LYG1: variants seen among roughly 807,000 people sequenced by gnomAD.
LYG1 encodes lysozyme g-like protein 1.
Under a neutral mutation model 21.7 loss-of-function variants are expected in LYG1, and 17 were observed. The observed-to-expected ratio is 0.78, with a 90% CI of 0.54 to 1.18. The LOEUF (loss-of-function observed/expected upper bound fraction) is 1.18. Ranked by LOEUF, LYG1 falls within the 50% of genes most tolerant of loss-of-function variation. LYG1 has a pLI of 0.00. For missense variants in LYG1, 211 were observed against 238.1 expected (o/e 0.89, Z 0.75); for synonymous variants, 81 against 87.4 (o/e 0.93, Z 0.41).
chr2:99,288,759 AG>A (rs941691741), intron 5 of LYG1, among the ~76,000 whole-genome samples: 4 of 152,108 alleles, frequency 2.6e-5, no homozygotes, highest in African/African-American at 9.7e-5. Flanking sequence ...TAGTAAAGAC[AG>A]GATTTCACCT....
At position 99,284,813 on chromosome 2, in the gene LYG1, C is replaced by G; in HGVS notation, c.341G>C (p.Gly114Ala). 1 of 1,612,728 alleles carries G rather than the reference C, an allele frequency of 6.2e-7. No individual in the cohort carries two copies. Among genetic ancestry groups the G allele is most frequent in the Non-Finnish European group, 8.5e-7 (1 of 1,179,820 alleles). ...AATCCAGGATGTGGGAGCTTGAGAG[C>G]CAGGGTCCTGCAGGGAAGGAGGCAG... ...GDRTSMVQDP[G>A]SQAPTSWISE... The change falls in exon 6 of 7, where the codon GGC (glycine) becomes GCC (alanine). Residue 114 changes from glycine (G) to alanine (A), a missense_variant. By Grantham distance (60) the Gly-to-Ala change is moderately conservative. Transcript: ENST00000308528.
intron 1 of LYG1, among the ~76,000 whole-genome samples, chr2:99,299,017 C>T (rs564998276): frequency 7.9e-5 from 12 of 151,690 alleles, no homozygotes; most frequent in Non-Finnish European, 1.3e-4. Context: ...ATGCAACCTC[C>T]GCCTCTTGAA....
chr2:99,296,205 G>A (rs893767902), intron 2 of LYG1, among the ~76,000 whole-genome samples: 21 of 152,072 alleles, frequency 1.4e-4, no homozygotes, highest in Non-Finnish European at 2.6e-4. Flanking sequence ...GTTGGAAGAC[G>A]TTTCCCACTG....
upstream of LYG1, among the ~76,000 whole-genome samples, chr2:99,302,652 A>G (rs910058356): frequency 6.6e-6 from 1 of 152,176 alleles, no homozygotes; most frequent in Non-Finnish European, 1.5e-5. Flanking sequence ...TAAATGAATG[A>G]TTTAAAGCGT....
At chr2:99,302,861 T>C (rs186631677), upstream of LYG1, among the ~76,000 whole-genome samples, 1 of 151,808 alleles carries the variant, frequency 6.6e-6, no homozygotes, top group Admixed American at 6.6e-5. Flanking sequence ...CTACTAAAAA[T>C]ACAAAAATTA....
At chr2:99,287,892 C>G (rs2094105879) in intron 5 of LYG1, among the ~76,000 whole-genome samples, 1 of 151,938 alleles carries the variant, frequency 6.6e-6, no homozygotes, top group African/African-American at 2.4e-5. Context: ...TGTGTATATC[C>G]TAATGGATAC....
chr2:99,301,255 C>T (rs1328801677), upstream of LYG1: 1 of 152,062 alleles, frequency 6.6e-6, no homozygotes, highest in East Asian at 1.9e-4. Flanking sequence ...ATTTTGCAAA[C>T]ATTAACCAAT....
At chr2:99,293,211 C>T (rs1036451380) in intron 3 of LYG1, among the ~76,000 whole-genome samples, 1 of 151,988 alleles carries the variant, frequency 6.6e-6, no homozygotes, top group Non-Finnish European at 1.5e-5. Context: ...AGGCTGGTCT[C>T]GAACTCTTGA....
At chr2:99,299,978 A>G (rs528756922) in intron 1 of LYG1, among the ~76,000 whole-genome samples, 3 of 152,058 alleles carry the variant, frequency 2.0e-5, no homozygotes, top group Non-Finnish European at 4.4e-5. Context: ...ACTCCAGCCC[A>G]TTGCCTCACA....
At chr2:99,284,614 A>C (rs998334724) in intron 6 of LYG1, 74 bp downstream of exon 6, 7 of 1,594,068 alleles carry the variant, frequency 4.4e-6, no homozygotes, top group Non-Finnish European at 4.3e-6. Flanking sequence ...GTTTCGGGGA[A>C]TCTGGTGCAA....
chr2:99,294,017 G>T (rs1458414950), intron 3 of LYG1, among the ~76,000 whole-genome samples: 3 of 152,110 alleles, frequency 2.0e-5, no homozygotes, highest in Non-Finnish European at 4.4e-5. Context: ...AACCTCCCAG[G>T]TTCAAGCTAT....
rs542779405 is a variant in LYG1 at position 99,300,371 on chromosome 2, G to A, written c.-124+679C>T. On this transcript the variant is annotated intron_variant, in intron 1 of 6. Coordinates refer to ENST00000308528, the MANE Select transcript of LYG1 (RefSeq NM_174898.3). ...CTCTGTGCCTGCTTTTCCCATTTGC[G>A]TTTTTGAGAGTTCAGAACTCCAGGA... Among the ~76,000 whole-genome samples the A allele has an allele frequency of 9.1e-4, 138 of 152,170 alleles. 1 individual carries two copies. Among genetic ancestry groups the A allele is most frequent in the African/African-American group, 2.5e-3 (104 of 41,500 alleles).
upstream of LYG1, among the ~76,000 whole-genome samples, chr2:99,301,951 T>C (rs377120889): frequency 1.2e-4 from 19 of 152,296 alleles, no homozygotes; most frequent in Non-Finnish European, 1.9e-4. Context: ...GGAAGGATTC[T>C]TTCCCAAGTT....
At position 99,292,565 on chromosome 2, in the gene LYG1, A is replaced by G. The variant is rs761251900; in HGVS notation, c.119T>C (p.Ile40Thr). The G allele has an allele frequency of 4.7e-5, 76 of 1,614,036 alleles. No individual in the cohort carries two copies. Among genetic ancestry groups the G allele is most frequent in the African/African-American group, 9.3e-5 (7 of 74,926 alleles). ...SLDTPGASCGIGRRHGLNYCG... is the reference protein window; with the variant it reads ...SLDTPGASCGTGRRHGLNYCG... ...GTAGTTCAGGCCGTGACGTCTTCCA[A>G]TCCCACAAGATGCTCCAGGGGTGTC... Residue 40 changes from isoleucine (I) to threonine (T), a missense_variant, in exon 4 of 7, where the codon ATT (isoleucine) becomes ACT (threonine). Coordinates refer to ENST00000308528, the MANE Select transcript of LYG1 (RefSeq NM_174898.3).
chr2:99,303,646 G>C (rs2094160252), upstream of LYG1, among the ~76,000 whole-genome samples: 2 of 152,230 alleles, frequency 1.3e-5, no homozygotes, highest in Non-Finnish European at 1.5e-5. Context: ...AGGTGAGCCA[G>C]AGTGACTCGG....
In LYG1 at chr2:99,292,985, C is replaced by CTTTT. The variant is rs70940159; in HGVS notation, c.44-349_44-346dup. ...TCCCTGTAAAGTAGTCCTCATCTTA[C>CTTTT]TTTTTTTTTTTTTTTTTTTTTTTTG... On this transcript the variant is annotated intron_variant, in intron 3 of 6. Coordinates refer to ENST00000308528, the MANE Select transcript of LYG1 (RefSeq NM_174898.3). Among the ~76,000 whole-genome samples, 154 of 83,128 alleles carry CTTTT rather than the reference C, an allele frequency of 1.9e-3. 2 individuals are homozygous for CTTTT. The highest frequency in any genetic ancestry group is 2.0e-3 in the African/African-American group (41 of 20,366). 54.5% of individuals were successfully genotyped at this position (83,128 alleles called of 152,430 possible). A position where few individuals can be genotyped will look rare whatever the true frequency, so the allele number is the denominator to read the frequency against.
At chr2:99,304,214 G>A (rs962657868), upstream of LYG1, among the ~76,000 whole-genome samples, 2 of 151,686 alleles carry the variant, frequency 1.3e-5, no homozygotes, top group Non-Finnish European at 2.9e-5. Context: ...GGGACCCAGT[G>A]GGAGACAATT....
At chr2:99,297,129 G>A (rs1237691008) in intron 2 of LYG1, among the ~76,000 whole-genome samples, 1 of 152,204 alleles carries the variant, frequency 6.6e-6, no homozygotes, top group Non-Finnish European at 1.5e-5. Context: ...GAGATGGTCT[G>A]TCCGATTTTG....
At chr2:99,304,032 C>T (rs904027686), upstream of LYG1, among the ~76,000 whole-genome samples, 1 of 152,092 alleles carries the variant, frequency 6.6e-6, no homozygotes, top group Non-Finnish European at 1.5e-5. Flanking sequence ...ATTAGCCAGG[C>T]GTGGTGGGGG....
Sources: gnomAD v4.1 joint callset for allele counts (sites outside exome capture counted in the v4.1 genomes callset) on GRCh38, gnomAD v4.1.1 for gene constraint, MANE v1.5 for transcripts, NCBI Gene and HGNC (gene_info 2026-07-23, HGNC 2026-07-21) for gene names.